The following NEDD8 variants were observed in gnomAD, a reference collection of about 807,000 sequenced individuals.
The protein encoded by NEDD8 is ubiquitin-like protein NEDD8.
A neutral mutation model predicts 13.8 loss-of-function variants in NEDD8; 1 was observed. The ratio of observed to expected loss-of-function variants is 0.07; its 90% CI spans 0.03 to 0.34. The LOEUF is 0.34. NEDD8 is among the 10% of genes least tolerant of loss of function. The probability of loss-of-function intolerance (pLI) is 0.99; values close to 1 mark genes in which losing one functional copy is unlikely to be tolerated. For synonymous variants in NEDD8, 31 were observed against 33.2 expected, an observed-to-expected ratio of 0.93 and a Z score of 0.23; for missense variants, 10 against 95.2, an observed-to-expected ratio of 0.10 and a Z score of 3.73.
intron 1 of NEDD8, among the ~76,000 whole-genome samples, chr14:24,225,865 C>T (rs2039882392): frequency 6.6e-6 from 1 of 151,878 alleles, no homozygotes; most frequent in Non-Finnish European, 1.5e-5. Context: ...ATGATGAAAA[C>T]TTGTCTCTAC....
At chr14:24,231,496 G>C (rs1024541251) in intron 1 of NEDD8, among the ~76,000 whole-genome samples, 2 of 76,040 alleles carry the variant, frequency 2.6e-5, no homozygotes, top group African/African-American at 7.9e-5. Context: ...GGGGGGCGTG[G>C]GGGGGGGGGT....
chr14:24,232,145 C>T (rs1389867031), intron 1 of NEDD8, 105 bp downstream of exon 1: 19 of 1,577,840 alleles, frequency 1.2e-5, no homozygotes, highest in South Asian at 2.3e-5. Context: ...CAGTCAGCGT[C>T]CTCCAGGCTA....
At chr14:24,226,567 G>A (rs532670522) in intron 1 of NEDD8, 1 of 152,148 alleles carries the variant, frequency 6.6e-6, no homozygotes, top group Admixed American at 6.6e-5. Flanking sequence ...GAAAATCAAT[G>A]TTAATCAATT....
At chr14:24,219,812 C>G (rs1279820036) in intron 1 of NEDD8, among the ~76,000 whole-genome samples, 1 of 152,122 alleles carries the variant, frequency 6.6e-6, no homozygotes, top group Non-Finnish European at 1.5e-5. Flanking sequence ...ATATCCTCCC[C>G]TTCTTCTCCA....
At chr14:24,226,213 T>C (rs2039887859) in intron 1 of NEDD8, among the ~76,000 whole-genome samples, 1 of 150,680 alleles carries the variant, frequency 6.6e-6, no homozygotes, top group Non-Finnish European at 1.5e-5. Context: ...AAGTTCTGGC[T>C]GGGCACAGTG....
chr14:24,229,780 A>G (rs1031276382), intron 1 of NEDD8, among the ~76,000 whole-genome samples: 1 of 152,224 alleles, frequency 6.6e-6, no homozygotes, highest in Admixed American at 6.5e-5. Context: ...AAAAGCCAAC[A>G]GAAGTATTCA....
At chr14:24,219,475 C>CAAAAAAA (rs59964484) in intron 1 of NEDD8, among the ~76,000 whole-genome samples, 10 of 33,366 alleles carry the variant, frequency 3.0e-4, no homozygotes, top group African/African-American at 1.1e-3. Flanking sequence ...AACACCCTCG[C>CAAAAAAA]AAAAAAAAAA....
At chr14:24,223,914 G>T (rs1386528869) in intron 1 of NEDD8, among the ~76,000 whole-genome samples, 4 of 150,428 alleles carry the variant, frequency 2.7e-5, no homozygotes, top group African/African-American at 9.8e-5. Context: ...TTTGTATTTT[G>T]TATTTTTTAT....
intron 1 of NEDD8, among the ~76,000 whole-genome samples, chr14:24,224,140 A>C (rs1472740855): frequency 6.6e-6 from 1 of 152,198 alleles, no homozygotes; most frequent in Admixed American, 6.5e-5. Context: ...TGTGTTAGCC[A>C]GGATGGTCTC....
intron 3 of NEDD8, 153 bp downstream of exon 3, chr14:24,217,980 T>G: frequency 2.6e-6 from 2 of 760,290 alleles, no homozygotes; most frequent in Non-Finnish European, 4.1e-6. Flanking sequence ...AAAAATCTTA[T>G]TCTGAGAAGG....
intron 1 of NEDD8, 104 bp from the exon 2 acceptor site, chr14:24,218,535 G>T (rs1342157909): frequency 1.3e-6 from 2 of 1,497,774 alleles, no homozygotes; most frequent in African/African-American, 2.8e-5. Context: ...CCTTCTAAAA[G>T]ATGCATATTC....
chr14:24,218,090 TTCACA>T (rs2039740130), intron 3 of NEDD8, 38 bp downstream of exon 3: 1 of 1,612,994 alleles, frequency 6.2e-7, no homozygotes, highest in African/African-American at 1.3e-5. Context: ...TCTTCTCATC[TTCACA>T]TAAGATCGCC....
chr14:24,229,381 G>A (rs140892467), intron 1 of NEDD8, among the ~76,000 whole-genome samples: 3 of 152,076 alleles, frequency 2.0e-5, no homozygotes, highest in South Asian at 2.1e-4. Context: ...CACCACACTC[G>A]GCTAATTTTT....
chr14:24,218,047 C>A (rs1368860586), intron 3 of NEDD8, 86 bp downstream of exon 3: 6 of 1,565,162 alleles, frequency 3.8e-6, no homozygotes, highest in Middle Eastern at 1.7e-4. Context: ...ACAAGAGGCA[C>A]CCCTGATCCA....
At chr14:24,225,280 G>A (rs904089201) in intron 1 of NEDD8, among the ~76,000 whole-genome samples, 3 of 151,792 alleles carry the variant, frequency 2.0e-5, no homozygotes, top group Non-Finnish European at 2.9e-5. Context: ...GAGAATCTAC[G>A]GATTTAAAGA....
chr14:24,226,036 C>T (rs1185887924), intron 1 of NEDD8, among the ~76,000 whole-genome samples: 1 of 144,916 alleles, frequency 6.9e-6, no homozygotes, highest in Non-Finnish European at 1.5e-5. Flanking sequence ...GAGACTCCAT[C>T]TCCAAAAAAA....
chr14:24,231,493 G>A (rs558559178), intron 1 of NEDD8, among the ~76,000 whole-genome samples: 1 of 119,946 alleles, frequency 8.3e-6, no homozygotes, highest in East Asian at 3.1e-4. Flanking sequence ...TGAGGGGGGC[G>A]TGGGGGGGGG....
intron 1 of NEDD8, chr14:24,226,894 T>C (rs1390538947): frequency 6.6e-6 from 1 of 152,234 alleles, no homozygotes; most frequent in Non-Finnish European, 1.5e-5. Flanking sequence ...ACAATGTTCA[T>C]AGAAGACTTT....
intron 1 of NEDD8, 197 bp downstream of exon 1, chr14:24,232,053 C>T (rs1297698256): frequency 3.1e-5 from 23 of 731,700 alleles, no homozygotes; most frequent in Middle Eastern, 4.0e-4. Context: ...ACCCCAGGGT[C>T]GTCAGGTGGG....
Sources: allele counts gnomAD v4.1 joint callset (sites outside exome capture counted in the v4.1 genomes callset), GRCh38; gene constraint gnomAD v4.1.1; transcripts MANE v1.5; gene names NCBI Gene and HGNC (gene_info 2026-07-23, HGNC 2026-07-21).